The following GIGYF2 variants were observed in gnomAD, a reference collection of about 807,000 sequenced individuals.
The protein encoded by GIGYF2 is GRB10 interacting GYF protein 2, also known as GRB10-interacting GYF protein 2.
Under a neutral mutation model 208.1 loss-of-function variants are expected in GIGYF2, and 25 were observed. That is an observed-to-expected ratio of 0.12 (90% CI 0.09 to 0.17). The LOEUF (loss-of-function observed/expected upper bound fraction) is 0.17, where lower values mean the gene tolerates loss of function less well. Ranked by LOEUF, GIGYF2 falls within the 10% of genes least tolerant of loss-of-function variation. The pLI is 1.00. For synonymous variants in GIGYF2, 534 were observed against 543.8 expected, an observed-to-expected ratio of 0.98 and a Z score of 0.25; for missense variants, 1,302 against 1,579.4, an observed-to-expected ratio of 0.82 and a Z score of 2.98.
Position 232,806,698 on chromosome 2 carries a change from G to T in GIGYF2, c.1806+41G>T. 7.4e-7 allele frequency: 1 copy of T among 1,345,464 alleles called. No homozygotes were observed. The highest frequency in any genetic ancestry group is 2.3e-5 in the East Asian group (1 of 43,692). The allele number at this position is 1,345,464 out of a possible 1,614,324, so 83.3% of individuals were successfully genotyped here. ...CTCACCTGGAATACATATTAGTCACGGAAACACTTGATTCTCTTTGAAAAC... is the reference window on the plus strand; with the variant it reads ...CTCACCTGGAATACATATTAGTCACTGAAACACTTGATTCTCTTTGAAAAC... On this transcript the variant is annotated intron_variant, in intron 15 of 28. Coordinates refer to ENST00000373563, the MANE Select transcript of GIGYF2 (RefSeq NM_001103146.3). This position sits in a 1 kb window ranked among gnomAD's most constrained non-coding sequence, Gnocchi z 4.0.
At chr2:232,802,916 T>A (rs1206138870) in intron 14 of GIGYF2, among the ~76,000 whole-genome samples, 3 of 142,006 alleles carry the variant, frequency 2.1e-5, no homozygotes, top group Non-Finnish European at 4.5e-5. Flanking sequence ...TTTTTTTTTT[T>A]AAAGACAGAG....
chr2:232,855,997 C>T (rs1470006628), intron 28 of GIGYF2, among the ~76,000 whole-genome samples: 1 of 151,948 alleles, frequency 6.6e-6, no homozygotes, highest in Non-Finnish European at 1.5e-5. Flanking sequence ...GTGGCGCGAT[C>T]TCGGCTCACT....
intron 8 of GIGYF2, among the ~76,000 whole-genome samples, chr2:232,774,931 C>A (rs1161410240): frequency 6.6e-6 from 1 of 152,170 alleles, no homozygotes; most frequent in East Asian, 1.9e-4. Flanking sequence ...GTTGTTACTT[C>A]TTACCTACAA....
In GIGYF2 at chr2:232,847,400, T is replaced by C; in HGVS notation, c.3513T>C (p.His1171=). The C allele has an allele frequency of 6.2e-7, 1 of 1,613,344 alleles. No homozygotes were observed. Among genetic ancestry groups the C allele is most frequent in the Non-Finnish European group, 8.5e-7 (1 of 1,179,364 alleles). The change falls in exon 27 of 29, where the codon CAT becomes CAC. Residue 1171 remains histidine (H), a synonymous_variant. Coordinates refer to ENST00000373563, the MANE Select transcript of GIGYF2 (RefSeq NM_001103146.3). The part of the protein sequence containing the change: ...LKEVESPYEV[H]DYIRAYLGDT... ...AAGTAGAATCTCCTTATGAGGTCCA[T>C]GATTATATCAGGGCCTATTTAGGAG... is the stretch of plus-strand genomic sequence containing the variant.
chr2:232,723,654 C>CCAA (rs960036585), intron 2 of GIGYF2, among the ~76,000 whole-genome samples: 2 of 150,892 alleles, frequency 1.3e-5, no homozygotes, highest in African/African-American at 4.9e-5. Flanking sequence ...TGGTCTTGAA[C>CCAA]GCCTGACCTC....
intron 8 of GIGYF2, 123 bp downstream of exon 8, chr2:232,761,559 C>A: frequency 1.5e-6 from 1 of 665,716 alleles, no homozygotes; most frequent in Non-Finnish European, 2.8e-6. Context: ...TATTTGAAGT[C>A]TCTACTGCAT....
chr2:232,742,713 T>C (rs1698014817), intron 3 of GIGYF2, among the ~76,000 whole-genome samples: 1 of 152,214 alleles, frequency 6.6e-6, no homozygotes, highest in Admixed American at 6.5e-5. Context: ...GATTTAAAAC[T>C]AATAGGACAT....
rs1161122972 is a variant in GIGYF2 at position 232,858,656 on chromosome 2, A to C, written c.*1796A>C. ...GAGTGCACCTCTTGTACTCACCTTT[A>C]TGGAGGCTGAGTTCTGCACTAAACT... On this transcript the variant is annotated 3_prime_UTR_variant, in exon 29 of 29. Coordinates refer to ENST00000373563, the MANE Select transcript of GIGYF2 (RefSeq NM_001103146.3). 4 of 430,394 alleles carry C rather than the reference A, an allele frequency of 9.3e-6. No individual in the cohort carries two copies. The highest frequency in any genetic ancestry group is 1.9e-5 in the Non-Finnish European group (4 of 216,198). The allele number at this position is 430,394 out of a possible 1,614,324, so 26.7% of individuals were successfully genotyped here.
At chr2:232,754,910 A>G (rs1698473426) in intron 5 of GIGYF2, among the ~76,000 whole-genome samples, 1 of 152,106 alleles carries the variant, frequency 6.6e-6, no homozygotes, top group Middle Eastern at 3.2e-3. Flanking sequence ...TCTTATTTAC[A>G]CTGATAAAGT....
intron 12 of GIGYF2, among the ~76,000 whole-genome samples, chr2:232,793,776 A>G (rs1347336633): frequency 6.6e-6 from 1 of 152,196 alleles, no homozygotes; most frequent in Non-Finnish European, 1.5e-5. Flanking sequence ...CTCAGAGGTA[A>G]AAGTAGAGAC....
At chr2:232,724,207 ATTTTTTTTTTTT>A (rs1163865821) in intron 2 of GIGYF2, among the ~76,000 whole-genome samples, 6 of 114,228 alleles carry the variant, frequency 5.3e-5, no homozygotes, top group Admixed American at 2.9e-4. Context: ...ACACCTGGCT[ATTTTTTTTTTTT>A]TTTTTTTTTT....
chr2:232,853,324 A>G (rs1045382702), intron 28 of GIGYF2, among the ~76,000 whole-genome samples: 2 of 152,126 alleles, frequency 1.3e-5, no homozygotes, highest in African/African-American at 2.4e-5. Flanking sequence ...TTAATTATCA[A>G]TATTCTCCAG....
chr2:232,802,162 TTAG>T, intron 14 of GIGYF2, among the ~76,000 whole-genome samples: 1 of 152,140 alleles, frequency 6.6e-6, no homozygotes, highest in Non-Finnish European at 1.5e-5. Context: ...TAACCTGTTT[TTAG>T]AAAAAAAGAA....
chr2:232,852,101 G>A (rs999584543), intron 28 of GIGYF2, among the ~76,000 whole-genome samples: 8 of 152,192 alleles, frequency 5.3e-5, no homozygotes, highest in South Asian at 4.1e-4. Flanking sequence ...ATGTCTGTGG[G>A]ACATCATGAA....
intron 3 of GIGYF2, among the ~76,000 whole-genome samples, chr2:232,739,566 C>T (rs1697891237): frequency 6.6e-6 from 1 of 151,652 alleles, no homozygotes; most frequent in Non-Finnish European, 1.5e-5. Flanking sequence ...TTGGTGTCAG[C>T]TACTTGGAAG....
rs1700563236 is a variant in GIGYF2 at position 232,806,376 on chromosome 2, A to G, written c.1640-115A>G. 2.5e-6 allele frequency: 2 copies of G among 793,136 alleles called. No homozygotes were observed. Among genetic ancestry groups the G allele is most frequent in the Non-Finnish European group, 4.6e-6 (2 of 439,520 alleles). The allele number at this position is 793,136 out of a possible 1,614,324, so 49.1% of individuals were successfully genotyped here. A position where few individuals can be genotyped will look rare whatever the true frequency, so the allele number is the denominator to read the frequency against. On this transcript the variant is annotated intron_variant, in intron 14 of 28. Coordinates refer to ENST00000373563, the MANE Select transcript of GIGYF2 (RefSeq NM_001103146.3). The surrounding 1 kb of genome is among the most constrained non-coding windows in gnomAD (Gnocchi z 4.0). ...TTAGAGGTGAATTAAATTAGATAGT[A>G]TAAAACATTTTGACAGATGCCACCT...
chr2:232,810,978 A>G (rs1046481130), intron 16 of GIGYF2: 1 of 401,506 alleles, frequency 2.5e-6, no homozygotes, highest in South Asian at 2.5e-5. Context: ...TTTTCTCTGA[A>G]TAGACCACTT....
chr2:232,753,216 C>T (rs1024075944), intron 5 of GIGYF2, among the ~76,000 whole-genome samples: 15 of 152,026 alleles, frequency 9.9e-5, no homozygotes, highest in Non-Finnish European at 1.3e-4. Flanking sequence ...CTCCGCTTCT[C>T]GGGTTCAAGT....
Position 232,813,881 on chromosome 2 carries a change from A to AT in GIGYF2, c.2107+1414dup, listed in dbSNP as rs397871962. Among the ~76,000 whole-genome samples the AT allele has an allele frequency of 4.7e-3, 347 of 73,406 alleles. 3 individuals are homozygous for AT. Among genetic ancestry groups the AT allele is most frequent in the East Asian group, 0.014 (39 of 2,784 alleles). 48.2% of individuals were successfully genotyped at this position (73,406 alleles called of 152,430 possible). Reference sequence around the variant, plus strand: ...AGCATTGACATGATTTCACAAGTGGATTTTTTTTTTTTTTTTTTTTTTTTG... The same window carrying AT: ...AGCATTGACATGATTTCACAAGTGGATTTTTTTTTTTTTTTTTTTTTTTTTG... On this transcript the variant is annotated intron_variant, in intron 18 of 28. Coordinates refer to ENST00000373563, the MANE Select transcript of GIGYF2 (RefSeq NM_001103146.3).
Sources: gnomAD v4.1 joint callset for allele counts (sites outside exome capture counted in the v4.1 genomes callset) on GRCh38, gnomAD v4.1.1 for gene constraint, Gnocchi (gnomAD v3.1) non-coding constraint, MANE v1.5 for transcripts, NCBI Gene and HGNC (gene_info 2026-07-23, HGNC 2026-07-21) for gene names.